Variants in POU6F2 observed in about 807,000 individuals in gnomAD.
POU6F2 encodes POU domain, class 6, transcription factor 2.
POU6F2 carries 31 observed loss-of-function variants against 71.3 expected under a neutral mutation model. The observed-to-expected ratio is 0.43, with a 90% CI of 0.33 to 0.59. POU6F2 has a LOEUF of 0.59. Among genes scored for constraint, POU6F2 ranks in the 20% least tolerant of loss-of-function variants. The probability of loss-of-function intolerance (pLI) is 0.04; values close to 1 mark genes in which losing one functional copy is unlikely to be tolerated. For missense variants in POU6F2, 783 were observed against 856.8 expected (o/e 0.91, Z 1.07); for synonymous variants, 347 against 355.7 (o/e 0.98, Z 0.27).
In POU6F2 at chr7:39,358,190, G is replaced by GT. The variant is rs201088771; in HGVS notation, c.972+18184dup. Among the ~76,000 whole-genome samples, 12 of 151,718 alleles carry GT rather than the reference G, an allele frequency of 7.9e-5. No individual in the cohort carries two copies. The East Asian group carries it at 1.4e-3, about 17-fold the overall frequency. The stretch of plus-strand genomic sequence containing the variant: ...TTTTTTGGTGTGATAGTGATAGGTA[G>GT]TTTTTTTTTAACAGTAGCTTTTGAA... On this transcript the variant is annotated intron_variant, in intron 5 of 9. Transcript: ENST00000518318.
intron 4 of POU6F2, among the ~76,000 whole-genome samples, chr7:39,292,483 A>G (rs1011571501): frequency 6.6e-6 from 1 of 152,246 alleles, no homozygotes; most frequent in Non-Finnish European, 1.5e-5. Flanking sequence ...GTCCACCAAC[A>G]GAGCGTAAAT....
chr7:39,399,852 G>A (rs1306096535), intron 5 of POU6F2, among the ~76,000 whole-genome samples: 1 of 133,644 alleles, frequency 7.5e-6, no homozygotes, highest in Non-Finnish European at 1.6e-5. Flanking sequence ...CCTGTCTCAA[G>A]AATGTAACAA....
intron 4 of POU6F2, among the ~76,000 whole-genome samples, chr7:39,233,209 G>T (rs1360104267): frequency 6.6e-6 from 1 of 151,708 alleles, no homozygotes; most frequent in Non-Finnish European, 1.5e-5. Context: ...AGTTTAGTGA[G>T]GAAGGTAGAC....
At chr7:39,013,762 G>T (rs1789395919) in intron 1 of POU6F2, among the ~76,000 whole-genome samples, 1 of 151,548 alleles carries the variant, frequency 6.6e-6, no homozygotes, top group Admixed American at 6.6e-5. Flanking sequence ...AACACCAAGG[G>T]AGTGGAGCTG....
intron 4 of POU6F2, among the ~76,000 whole-genome samples, chr7:39,259,505 A>G (rs774093970): frequency 5.5e-4 from 84 of 152,076 alleles, no homozygotes; most frequent in Admixed American, 5.9e-4. Flanking sequence ...CGAGAAGCAG[A>G]GAGAGCAGGA....
At chr7:39,252,728 C>T (rs1157536729) in intron 4 of POU6F2, among the ~76,000 whole-genome samples, 1 of 152,096 alleles carries the variant, frequency 6.6e-6, no homozygotes, top group African/African-American at 2.4e-5. Context: ...ATGCTTTTCC[C>T]TCAGATGGGC....
chr7:39,402,200 A>G (rs1255828197), intron 5 of POU6F2, among the ~76,000 whole-genome samples: 1 of 152,208 alleles, frequency 6.6e-6, no homozygotes, highest in Non-Finnish European at 1.5e-5. Context: ...GTATGGTGAC[A>G]TCCATATGAC....
chr7:39,106,333 C>T (rs1002795297), intron 2 of POU6F2, among the ~76,000 whole-genome samples: 2 of 152,060 alleles, frequency 1.3e-5, no homozygotes, highest in African/African-American at 4.8e-5. Flanking sequence ...CTGTTGAACT[C>T]AGAATAAATT....
chr7:39,355,996 G>C (rs945356654), intron 5 of POU6F2, among the ~76,000 whole-genome samples: 1 of 152,130 alleles, frequency 6.6e-6, no homozygotes, highest in Non-Finnish European at 1.5e-5. Context: ...CCCCTGGTCA[G>C]AGAAGTCAGG....
chr7:39,352,061 T>C (rs1291221822), intron 5 of POU6F2, among the ~76,000 whole-genome samples: 2 of 152,250 alleles, frequency 1.3e-5, no homozygotes, highest in Non-Finnish European at 2.9e-5. Flanking sequence ...GCTCCTGATC[T>C]AAATCTTGAT....
At chr7:39,187,204 C>A (rs954060909) in intron 2 of POU6F2, among the ~76,000 whole-genome samples, 9 of 152,198 alleles carry the variant, frequency 5.9e-5, no homozygotes, top group Non-Finnish European at 1.3e-4. Flanking sequence ...CTGGAGGTCC[C>A]ATGTCCATTA....
chr7:39,416,770 T>C (rs998751130), intron 6 of POU6F2, among the ~76,000 whole-genome samples: 1 of 151,560 alleles, frequency 6.6e-6, no homozygotes, highest in African/African-American at 2.4e-5. Flanking sequence ...TTAACAAGTA[T>C]ATCAATTGTT....
chr7:39,267,254 G>A (rs544684492), intron 4 of POU6F2, among the ~76,000 whole-genome samples: 21 of 152,294 alleles, frequency 1.4e-4, no homozygotes, highest in Admixed American at 3.9e-4. Context: ...TTACAGTGTA[G>A]GAAAAGCAAA....
chr7:39,043,656 C>T (rs539258445), intron 1 of POU6F2, among the ~76,000 whole-genome samples: 37 of 152,042 alleles, frequency 2.4e-4, no homozygotes, highest in African/African-American at 8.2e-4. Context: ...ACATGTAATG[C>T]CCACACAGAT....
At chr7:39,220,861 A>G (rs991274625) in intron 4 of POU6F2, among the ~76,000 whole-genome samples, 6 of 152,108 alleles carry the variant, frequency 3.9e-5, no homozygotes, top group African/African-American at 9.7e-5. Flanking sequence ...GCAAAATCCA[A>G]TATGGTAGCC....
At chr7:39,163,673 A>G (rs1424312576) in intron 2 of POU6F2, among the ~76,000 whole-genome samples, 1 of 152,238 alleles carries the variant, frequency 6.6e-6, no homozygotes, top group Non-Finnish European at 1.5e-5. Flanking sequence ...ATATATTTCC[A>G]AAGGAAATGA....
At chr7:39,126,771 G>A (rs1041109016) in intron 2 of POU6F2, among the ~76,000 whole-genome samples, 4 of 152,138 alleles carry the variant, frequency 2.6e-5, no homozygotes, top group Non-Finnish European at 5.9e-5. Flanking sequence ...AATGTATATG[G>A]AAATCAGAGA....
At chr7:38,999,720 C>T (rs905770566) in intron 1 of POU6F2, among the ~76,000 whole-genome samples, 2 of 152,160 alleles carry the variant, frequency 1.3e-5, no homozygotes, top group African/African-American at 4.8e-5. Context: ...TTTGCAATGA[C>T]AATGCTGTGC....
intron 2 of POU6F2, among the ~76,000 whole-genome samples, chr7:39,149,519 G>T (rs1792699605): frequency 6.6e-6 from 1 of 152,138 alleles, no homozygotes; most frequent in African/African-American, 2.4e-5. Context: ...TATAATTTTT[G>T]TGATAAGAGC....
Sources: gnomAD v4.1 joint callset for allele counts (sites outside exome capture counted in the v4.1 genomes callset) on GRCh38, gnomAD v4.1.1 for gene constraint, MANE v1.5 for transcripts, NCBI Gene and HGNC (gene_info 2026-07-23, HGNC 2026-07-21) for gene names.